The following MYO6 variants were observed in gnomAD, a reference collection of about 807,000 sequenced individuals.
MYO6 encodes myosin VI, also known as unconventional myosin-VI.
MYO6 carries 74 observed loss-of-function variants against 178.7 expected under a neutral mutation model. The ratio of observed to expected loss-of-function variants is 0.41; its 90% CI spans 0.34 to 0.50. The LOEUF is 0.50. MYO6 is among the 20% of genes least tolerant of loss of function. The pLI is 0.09. For missense variants in MYO6, 1,330 were observed against 1,547.4 expected (o/e 0.86, Z 2.36); for synonymous variants, 477 against 504.6 (o/e 0.95, Z 0.73).
chr6:75,862,814 A>G (rs1165079195), intron 16 of MYO6, 91 bp downstream of exon 16: 2 of 1,456,780 alleles, frequency 1.4e-6, no homozygotes, highest in African/African-American at 2.8e-5. Flanking sequence ...AGATAATTAG[A>G]ATAAAAATTA....
At chr6:75,791,825 A>G (rs1395585754) in intron 1 of MYO6, among the ~76,000 whole-genome samples, 3 of 152,268 alleles carry the variant, frequency 2.0e-5, no homozygotes, top group East Asian at 3.9e-4. Flanking sequence ...AGCTATTTTA[A>G]ACTGGCTTTC....
chr6:75,911,371 T>C (rs796139729), intron 32 of MYO6, among the ~76,000 whole-genome samples: 19 of 152,148 alleles, frequency 1.2e-4, no homozygotes, highest in African/African-American at 3.8e-4. Flanking sequence ...TAAGTCATTG[T>C]ATTAGGTTTT....
intron 18 of MYO6, 187 bp downstream of exon 18, chr6:75,867,292 T>A: frequency 1.9e-6 from 1 of 534,100 alleles, no homozygotes; most frequent in Non-Finnish European, 3.3e-6. Context: ...ACAGAAATGC[T>A]TGTAATTATC....
intron 1 of MYO6, among the ~76,000 whole-genome samples, chr6:75,779,660 T>G (rs912625212): frequency 5.9e-5 from 9 of 152,218 alleles, no homozygotes; most frequent in Admixed American, 2.0e-4. Flanking sequence ...TTAACCTTAG[T>G]GTTTTCTTTT....
At chr6:75,825,791 C>G (rs1367885339) in intron 3 of MYO6, among the ~76,000 whole-genome samples, 2 of 151,970 alleles carry the variant, frequency 1.3e-5, no homozygotes, top group Non-Finnish European at 2.9e-5. Flanking sequence ...AGATAACTCT[C>G]TAGTCAGATA....
chr6:75,788,782 G>T (rs1767941611), intron 1 of MYO6, among the ~76,000 whole-genome samples: 1 of 152,184 alleles, frequency 6.6e-6, no homozygotes, highest in Non-Finnish European at 1.5e-5. Context: ...AAAGCGTAGA[G>T]ATGGGATAAA....
chr6:75,822,508 T>C (rs1363821572), intron 2 of MYO6, among the ~76,000 whole-genome samples: 1 of 127,872 alleles, frequency 7.8e-6, no homozygotes, highest in Admixed American at 9.1e-5. Context: ...AATATACCTC[T>C]TTTTTTGTCC....
intron 1 of MYO6, among the ~76,000 whole-genome samples, chr6:75,783,375 G>A (rs986171683): frequency 2.6e-5 from 4 of 152,172 alleles, no homozygotes; most frequent in Non-Finnish European, 5.9e-5. Context: ...CACTGAACCG[G>A]TAACCCAACT....
At chr6:75,882,065 A>C (rs149233439) in intron 23 of MYO6, among the ~76,000 whole-genome samples, 31 of 152,300 alleles carry the variant, frequency 2.0e-4, no homozygotes, top group African/African-American at 7.2e-4. Context: ...AGAATTCACT[A>C]TCTTGATCTC....
At chr6:75,857,374 T>C in intron 13 of MYO6, 120 bp downstream of exon 13, 1 of 994,684 alleles carries the variant, frequency 1.0e-6, no homozygotes, top group East Asian at 2.4e-5. Context: ...TAATTATATG[T>C]CCACACTCAC....
rs1772967608 is a variant in MYO6, at chr6:75,830,478, T to C, written c.324T>C (p.Ser108=). The change falls in exon 5 of 35, where the codon TCT becomes TCC. Residue 108 remains serine (S), a synonymous_variant. Transcript: ENST00000369977. The part of the protein sequence containing the change: ...NPYFDIPKIY[S]SEAIKSYQGK... ...ACTTTGACATACCTAAAATATATTCTTCAGAAGCAATAAAGTCATATCAAG... is the reference window on the plus strand; with the variant it reads ...ACTTTGACATACCTAAAATATATTCCTCAGAAGCAATAAAGTCATATCAAG... 1 of 1,612,352 alleles carries C rather than the reference T, an allele frequency of 6.2e-7. No homozygotes were observed. The highest frequency in any genetic ancestry group is 8.5e-7 in the Non-Finnish European group (1 of 1,178,530).
rs191355752 is a variant in MYO6, at chr6:75,847,900, A to G, written c.898-451A>G. Among the ~76,000 whole-genome samples, 91 of 152,214 alleles carry G rather than the reference A, an allele frequency of 6.0e-4. No homozygotes were observed. In the East Asian group the frequency reaches 0.014, roughly 23 times the overall value. ...ATGTATATTTATACAGTACATTGGA[A>G]TACAATGTAATGTTTGATACATGTA... On this transcript the variant is annotated intron_variant, in intron 10 of 34. Coordinates refer to ENST00000369977, the MANE Select transcript of MYO6 (RefSeq NM_004999.4).
chr6:75,888,616 A>AG (rs1414414152), intron 25 of MYO6, among the ~76,000 whole-genome samples: 18 of 152,132 alleles, frequency 1.2e-4, no homozygotes, highest in Non-Finnish European at 2.2e-4. Flanking sequence ...TAAAAAAAAA[A>AG]AAAAATTGGA....
At chr6:75,779,713 A>G (rs1399854922) in intron 1 of MYO6, among the ~76,000 whole-genome samples, 1 of 152,206 alleles carries the variant, frequency 6.6e-6, no homozygotes, top group Admixed American at 6.5e-5. Context: ...AAAAGTAGAA[A>G]GAAAAAGGTT....
intron 1 of MYO6, among the ~76,000 whole-genome samples, chr6:75,773,079 A>G (rs1766043049): frequency 6.6e-6 from 1 of 152,218 alleles, no homozygotes; most frequent in Non-Finnish European, 1.5e-5. Context: ...AAGTGAAATA[A>G]TATAGTTGGT....
intron 1 of MYO6, among the ~76,000 whole-genome samples, chr6:75,757,247 ATATG>A (rs1777514188): frequency 1.3e-5 from 2 of 148,154 alleles, no homozygotes; most frequent in African/African-American, 4.9e-5. Context: ...ACATACATAC[ATATG>A]TGTGTGTATA....
intron 1 of MYO6, among the ~76,000 whole-genome samples, chr6:75,816,118 C>T (rs1771216876): frequency 6.6e-6 from 1 of 152,138 alleles, no homozygotes; most frequent in African/African-American, 2.4e-5. Flanking sequence ...TGTAAACAAT[C>T]CAAATATTCA....
At chr6:75,756,980 GTATA>G (rs1777443891) in intron 1 of MYO6, among the ~76,000 whole-genome samples, 1 of 135,598 alleles carries the variant, frequency 7.4e-6, no homozygotes. Context: ...TATATAGTGT[GTATA>G]TATGTATACA....
chr6:75,814,393 C>T lies in MYO6; in HGVS notation c.-47-3108C>T, dbSNP rs181963711. On this transcript the variant is annotated intron_variant, in intron 1 of 34. Transcript: ENST00000369977. ...TGGTTTTAACTGGTACATTGCTCAC[C>T]TGATTTTTTGTTCTTATGAAGATGC... Among the ~76,000 whole-genome samples the T allele has an allele frequency of 3.6e-3, 554 of 152,198 alleles. 2 individuals carry two copies. Among genetic ancestry groups the T allele is most frequent in the Non-Finnish European group, 5.5e-3 (377 of 68,014 alleles).
Sources: gnomAD v4.1 joint callset for allele counts (sites outside exome capture counted in the v4.1 genomes callset) on GRCh38, gnomAD v4.1.1 for gene constraint, MANE v1.5 for transcripts, NCBI Gene and HGNC (gene_info 2026-07-23, HGNC 2026-07-21) for gene names.